Variants in TBX5 observed in about 807,000 individuals in gnomAD.
TBX5 encodes the protein T-box transcription factor TBX5.
TBX5 carries 8 observed loss-of-function variants against 51.1 expected under a neutral mutation model. That is an observed-to-expected ratio of 0.16 (90% CI 0.09 to 0.28). TBX5 has a LOEUF of 0.28. TBX5 is among the 10% of genes least tolerant of loss of function. TBX5 has a pLI of 1.00. For synonymous variants in TBX5, 302 were observed against 266.4 expected, an observed-to-expected ratio of 1.13 and a Z score of -1.30; for missense variants, 589 against 671.7, an observed-to-expected ratio of 0.88 and a Z score of 1.36.
At chr12:114,386,632 A>T (rs373332942) in intron 6 of TBX5, among the ~76,000 whole-genome samples, 15 of 152,192 alleles carry the variant, frequency 9.9e-5, no homozygotes, top group Admixed American at 7.9e-4. Context: ...ATCACTTGCT[A>T]CTCAATAAGA....
intron 7 of TBX5, among the ~76,000 whole-genome samples, chr12:114,378,145 C>A (rs1164970404): frequency 1.3e-5 from 2 of 152,152 alleles, no homozygotes; most frequent in African/African-American, 2.4e-5. Flanking sequence ...TGAGGCCAAC[C>A]AAGTCCCCCA....
At chr12:114,385,613 C>T (rs770651194) in intron 6 of TBX5, 46 bp from the exon 7 acceptor site, 8 of 1,465,456 alleles carry the variant, frequency 5.5e-6, no homozygotes, top group South Asian at 3.4e-5. Flanking sequence ...CACTTGATTG[C>T]TGCAAGACCA....
chr12:114,388,268 G>T (rs557169123), intron 6 of TBX5, among the ~76,000 whole-genome samples: 1 of 152,094 alleles, frequency 6.6e-6, no homozygotes, highest in South Asian at 2.1e-4. Context: ...AGCAATTCTC[G>T]TGTCTCAGCC....
At position 114,370,317 on chromosome 12, in the gene TBX5, A is replaced by AAAAGAAAAG. The variant is rs1565929485; in HGVS notation, c.756-3935_756-3927dup. The stretch of plus-strand genomic sequence containing the variant: ...GAAAAGAAAAGAAAAGAAAAGAAAG[A>AAAAGAAAAG]AAAGAAAAGAAAAGAGAAAAGAAAA... On this transcript the variant is annotated intron_variant, in intron 7 of 8. Coordinates refer to ENST00000405440, the MANE Select transcript of TBX5 (RefSeq NM_181486.4). 1.4e-3 allele frequency among the ~76,000 whole-genome samples: 200 copies of AAAAGAAAAG among 140,068 alleles called. 4 individuals carry two copies. Among genetic ancestry groups the AAAAGAAAAG allele is most frequent in the African/African-American group, 4.4e-3 (164 of 37,090 alleles). The allele number at this position is 140,068 out of a possible 152,430, so 91.9% of individuals were successfully genotyped here.
chr12:114,392,044 A>C (rs1871172873), intron 6 of TBX5, among the ~76,000 whole-genome samples: 1 of 152,272 alleles, frequency 6.6e-6, no homozygotes, highest in Admixed American at 6.5e-5. Flanking sequence ...GACTCAATCA[A>C]TACAGAAAAA....
chr12:114,404,924 G>A (rs1872103873), intron 1 of TBX5, among the ~76,000 whole-genome samples: 1 of 152,248 alleles, frequency 6.6e-6, no homozygotes, highest in South Asian at 2.1e-4. Context: ...GAACGGCCCG[G>A]GTTTGCAGGC....
intron 8 of TBX5, among the ~76,000 whole-genome samples, chr12:114,365,470 G>A (rs1869466803): frequency 6.6e-6 from 1 of 151,874 alleles, no homozygotes; most frequent in African/African-American, 2.4e-5. Flanking sequence ...ACATTCTAAA[G>A]TTTAAAAGAA....
At chr12:114,391,159 G>A (rs1871124014) in intron 6 of TBX5, among the ~76,000 whole-genome samples, 1 of 152,166 alleles carries the variant, frequency 6.6e-6, no homozygotes, top group Admixed American at 6.6e-5. Context: ...AATTGTCTTG[G>A]CAATTTAATC....
chr12:114,388,292 G>C (rs148381527), intron 6 of TBX5, among the ~76,000 whole-genome samples: 1 of 152,168 alleles, frequency 6.6e-6, no homozygotes, highest in East Asian at 1.9e-4. Context: ...CAAGTAGTTG[G>C]GATTACATGT....
rs926021355 is a variant in TBX5, at chr12:114,394,624, C to G, written c.663+117G>C. ...TGTCCCCACCCCAGCACCCTGGGGT[C>G]GAAGTTGGTGACTGCTGCCATTCAG... On this transcript the variant is annotated intron_variant, in intron 6 of 8. Transcript: ENST00000405440. 23 of 1,408,298 alleles carry G rather than the reference C, an allele frequency of 1.6e-5. No individual in the cohort carries two copies. The East Asian group carries it at 4.8e-4, about 29-fold the overall frequency. 87.2% of individuals were successfully genotyped at this position (1,408,298 alleles called of 1,614,324 possible).
intron 5 of TBX5, 117 bp downstream of exon 5, chr12:114,398,456 A>T (rs571758113): frequency 7.0e-7 from 1 of 1,424,348 alleles, no homozygotes; most frequent in East Asian, 2.5e-5. Flanking sequence ...GGGAAAATGG[A>T]GGAAAGAAAA....
chr12:114,403,273 GC>G (rs1456381023), intron 2 of TBX5, among the ~76,000 whole-genome samples: 1 of 151,978 alleles, frequency 6.6e-6, no homozygotes, highest in Non-Finnish European at 1.5e-5. Flanking sequence ...CGCGGAGGAG[GC>G]AGGAGGAGGC....
intron 7 of TBX5, among the ~76,000 whole-genome samples, chr12:114,377,717 C>T (rs926622659): frequency 6.6e-6 from 1 of 151,966 alleles, no homozygotes; most frequent in African/African-American, 2.4e-5. Flanking sequence ...CCACACCTAG[C>T]GACTTTTTTT....
At chr12:114,401,974 C>A (rs1390710029) in intron 2 of TBX5, 54 bp from the exon 3 acceptor site, 1 of 1,506,630 alleles carries the variant, frequency 6.6e-7, no homozygotes, top group Non-Finnish European at 9.2e-7. Flanking sequence ...AGTGGGCATT[C>A]CTTCCCCAAA....
At chr12:114,389,809 T>C (rs1871061728) in intron 6 of TBX5, among the ~76,000 whole-genome samples, 1 of 133,374 alleles carries the variant, frequency 7.5e-6, no homozygotes, top group African/African-American at 2.8e-5. Flanking sequence ...GGACACCTTT[T>C]CCTCCCACCT....
intron 7 of TBX5, among the ~76,000 whole-genome samples, chr12:114,372,468 C>A (rs1001716755): frequency 6.9e-6 from 1 of 143,964 alleles, no homozygotes; most frequent in African/African-American, 2.7e-5. Flanking sequence ...CCACACCCAG[C>A]CAATAGTTGT....
intron 4 of TBX5, 105 bp downstream of exon 4, chr12:114,399,408 A>C: frequency 6.6e-7 from 1 of 1,512,692 alleles, no homozygotes. Flanking sequence ...AGCACACAGT[A>C]GGAACTAAAA....
chr12:114,403,792 C>A lies in TBX5; in HGVS notation c.107G>T (p.Ser36Ile). Reference protein sequence around the residue: ...SKPESALGAPSKSPSSPQAAF... With the variant: ...SKPESALGAPIKSPSSPQAAF... Reference sequence around the variant, plus strand: ...GGCCTGCGGGGACGACGGGGACTTGCTGGGGGCCCCGAGCGCGCTCTCGGG... The same window carrying A: ...GGCCTGCGGGGACGACGGGGACTTGATGGGGGCCCCGAGCGCGCTCTCGGG... Residue 36 changes from serine to isoleucine, a missense_variant, in exon 2 of 9, where the codon AGC becomes ATC. Physicochemically the swap from Ser to Ile is moderately radical, Grantham distance 142 (BLOSUM62 -2). Transcript: ENST00000405440. 6.2e-7 allele frequency: 1 copy of A among 1,614,080 alleles called. No individual in the cohort carries two copies.
chr12:114,354,580 A>C lies in TBX5; in HGVS notation c.*952T>G, dbSNP rs1868766429. On this transcript the variant is annotated 3_prime_UTR_variant, in exon 9 of 9. Transcript: ENST00000405440. The stretch of plus-strand genomic sequence containing the variant: ...GGTTGGGGCTGGCCTTGTTTTTTTC[A>C]AAAAAAATTTTTTTAATCAGGAAGA... 6.6e-6 allele frequency: 1 copy of C among 152,322 alleles called. No homozygotes were observed. Among genetic ancestry groups the C allele is most frequent in the Non-Finnish European group, 1.5e-5 (1 of 68,002 alleles). The allele number at this position is 152,322 out of a possible 1,614,324, so 9.4% of individuals were successfully genotyped here. A position where few individuals can be genotyped will look rare whatever the true frequency, so the allele number is the denominator to read the frequency against.
Sources: gnomAD v4.1 joint callset for allele counts (sites outside exome capture counted in the v4.1 genomes callset) on GRCh38, gnomAD v4.1.1 for gene constraint, MANE v1.5 for transcripts, NCBI Gene and HGNC (gene_info 2026-07-23, HGNC 2026-07-21) for gene names.